The following GPD2 variants were observed in gnomAD, a reference collection of about 807,000 sequenced individuals.
GPD2 encodes glycerol-3-phosphate dehydrogenase 2, also known as glycerol-3-phosphate dehydrogenase, mitochondrial.
GPD2 carries 54 observed loss-of-function variants against 82.4 expected under a neutral mutation model. The ratio of observed to expected loss-of-function variants is 0.66; its 90% CI spans 0.53 to 0.82. The LOEUF (loss-of-function observed/expected upper bound fraction) is 0.82, where lower values mean the gene tolerates loss of function less well. GPD2 is among the 40% of genes least tolerant of loss of function. The pLI, the probability that GPD2 is intolerant of heterozygous loss-of-function variation, is 0.00. For missense variants in GPD2, 748 were observed against 896.2 expected (o/e 0.83, Z 2.11); for synonymous variants, 288 against 306.1 (o/e 0.94, Z 0.62).
chr2:156,445,754 C>T (rs1682348416), intron 1 of GPD2, among the ~76,000 whole-genome samples: 1 of 152,138 alleles, frequency 6.6e-6, no homozygotes, highest in African/African-American at 2.4e-5. Context: ...TTTTTCTACA[C>T]AATACCTTTT....
chr2:156,465,976 G>A (rs995937667), intron 1 of GPD2, among the ~76,000 whole-genome samples: 3 of 152,170 alleles, frequency 2.0e-5, no homozygotes, highest in Non-Finnish European at 4.4e-5. Context: ...ATAAATGCAA[G>A]TTTGTTTAAT....
At chr2:156,532,475 A>T (rs72897625) in intron 6 of GPD2, among the ~76,000 whole-genome samples, 22,913 of 152,120 alleles carry the variant, frequency 0.15, 1,773 homozygotes, top group Non-Finnish European at 0.17. Flanking sequence ...ATTAAATTTT[A>T]AGGAGGTACT....
At chr2:156,502,386 G>A (rs557759968) in intron 3 of GPD2, among the ~76,000 whole-genome samples, 1 of 152,154 alleles carries the variant, frequency 6.6e-6, no homozygotes, top group South Asian at 2.1e-4. Flanking sequence ...TTACAAAATA[G>A]CAAACAGACA....
chr2:156,509,768 T>C (rs372669377), intron 3 of GPD2, among the ~76,000 whole-genome samples: 2 of 141,090 alleles, frequency 1.4e-5, no homozygotes, highest in African/African-American at 5.5e-5. Flanking sequence ...TGTTCTTCTT[T>C]TTTTTTTTTT....
intron 13 of GPD2, among the ~76,000 whole-genome samples, chr2:156,574,483 A>G (rs1230706386): frequency 6.6e-6 from 1 of 152,190 alleles, no homozygotes; most frequent in Non-Finnish European, 1.5e-5. Flanking sequence ...ATGCTGCCCC[A>G]TAGGATTTGA....
intron 1 of GPD2, among the ~76,000 whole-genome samples, chr2:156,456,554 C>T (rs1682795714): frequency 6.6e-6 from 1 of 152,026 alleles, no homozygotes; most frequent in South Asian, 2.1e-4. Context: ...AGAGATCACA[C>T]CACTGCGCTC....
chr2:156,495,641 C>G (rs991086715), intron 2 of GPD2: 6 of 452,386 alleles, frequency 1.3e-5, no homozygotes, highest in African/African-American at 1.2e-4. Flanking sequence ...AGTCCTTTTT[C>G]CTCCTCCTTC....
intron 1 of GPD2, among the ~76,000 whole-genome samples, chr2:156,452,159 G>A (rs999294503): frequency 1.3e-5 from 2 of 152,214 alleles, no homozygotes; most frequent in African/African-American, 4.8e-5. Context: ...GGTGGCGGCC[G>A]GGCAGAGGCT....
upstream of GPD2, among the ~76,000 whole-genome samples, chr2:156,430,352 CAG>C (rs1688303894): frequency 6.6e-6 from 1 of 151,822 alleles, no homozygotes; most frequent in South Asian, 2.1e-4. Context: ...GAAAAAAAAA[CAG>C]AAAAACAAAA....
At chr2:156,415,643 G>A in the GPD2 span, among the ~76,000 whole-genome samples, 1 of 151,896 alleles carries the variant, frequency 6.6e-6, no homozygotes, top group African/African-American at 2.4e-5. Context: ...ATTACCTGAG[G>A]TCGGGAGTTT....
the GPD2 span, among the ~76,000 whole-genome samples, chr2:156,427,455 G>A: frequency 6.6e-6 from 1 of 152,058 alleles, no homozygotes; most frequent in African/African-American, 2.4e-5. Context: ...TATTAGTTAG[G>A]AATCTCAAAA....
At chr2:156,523,717 G>GATAT (rs1001284717) in intron 6 of GPD2, among the ~76,000 whole-genome samples, 2 of 148,350 alleles carry the variant, frequency 1.3e-5, no homozygotes, top group Non-Finnish European at 3.0e-5. Context: ...TAGATAGATA[G>GATAT]ATATTTTATG....
chr2:156,472,938 T>C (rs936244926), intron 1 of GPD2, among the ~76,000 whole-genome samples: 1 of 152,182 alleles, frequency 6.6e-6, no homozygotes, highest in Non-Finnish European at 1.5e-5. Flanking sequence ...TTTTATGAAA[T>C]TAGATGTTGT....
intron 6 of GPD2, among the ~76,000 whole-genome samples, chr2:156,534,032 C>A (rs1463063895): frequency 6.6e-6 from 1 of 152,184 alleles, no homozygotes; most frequent in African/African-American, 2.4e-5. Context: ...TGTCTGGTAT[C>A]CAGGAAGTAT....
chr2:156,412,477 A>G, the GPD2 span, among the ~76,000 whole-genome samples: 1 of 151,594 alleles, frequency 6.6e-6, no homozygotes, highest in Non-Finnish European at 1.5e-5. Flanking sequence ...CAGACTGCCA[A>G]GGTTTCAATT....
chr2:156,434,192 C>T (rs1688360515), upstream of GPD2, among the ~76,000 whole-genome samples: 1 of 152,134 alleles, frequency 6.6e-6, no homozygotes, highest in African/African-American at 2.4e-5. Flanking sequence ...TAACCTCTGC[C>T]TCCCAGGTTC....
chr2:156,503,620 G>A (rs971048142), intron 3 of GPD2, among the ~76,000 whole-genome samples: 1 of 152,112 alleles, frequency 6.6e-6, no homozygotes, highest in African/African-American at 2.4e-5. Context: ...TATTTACAGG[G>A]AAAATGGCTA....
At chr2:156,477,094 G>A (rs752345038) in intron 2 of GPD2, among the ~76,000 whole-genome samples, 7 of 152,126 alleles carry the variant, frequency 4.6e-5, no homozygotes, top group Non-Finnish European at 1.0e-4. Flanking sequence ...GGAGCCAGGC[G>A]CATTGCTTGC....
chr2:156,400,338 C>G, the GPD2 span, among the ~76,000 whole-genome samples: 1 of 152,364 alleles, frequency 6.6e-6, no homozygotes, highest in Middle Eastern at 3.4e-3. Context: ...TGGGCCCGGG[C>G]TCGAGGTTTG....
Sources: allele counts gnomAD v4.1 joint callset (sites outside exome capture counted in the v4.1 genomes callset), GRCh38; gene constraint gnomAD v4.1.1; transcripts MANE v1.5; gene names NCBI Gene and HGNC (gene_info 2026-07-23, HGNC 2026-07-21).